The following C2orf42 variants were observed in gnomAD, a reference collection of about 807,000 sequenced individuals.
C2orf42 encodes the protein chromosome 2 open reading frame 42, also known as uncharacterized protein C2orf42.
C2orf42 carries 44 observed loss-of-function variants against 58.9 expected under a neutral mutation model. The observed-to-expected ratio is 0.75, with a 90% confidence interval of 0.59 to 0.96. The LOEUF (loss-of-function observed/expected upper bound fraction) is 0.96. Ranked by LOEUF, C2orf42 falls within the 40% of genes least tolerant of loss-of-function variation. The pLI, the probability that C2orf42 is intolerant of heterozygous loss-of-function variation, is 0.00. For missense variants in C2orf42, 630 were observed against 699.2 expected (o/e 0.90, Z 1.12); for synonymous variants, 239 against 265.4 (o/e 0.90, Z 0.97).
chr2:70,178,742 C>T (rs1674356331), intron 4 of C2orf42, among the ~76,000 whole-genome samples: 1 of 152,118 alleles, frequency 6.6e-6, no homozygotes, highest in Non-Finnish European at 1.5e-5. Flanking sequence ...CAAGACCAGT[C>T]TGACCAATAT....
At chr2:70,190,556 T>C (rs1675283081) in intron 1 of C2orf42, 1 of 152,216 alleles carries the variant, frequency 6.6e-6, no homozygotes, top group South Asian at 2.1e-4. Flanking sequence ...CGTGGGTTTG[T>C]AGTCGGCTGG....
chr2:70,184,218 A>G (rs559911597), intron 1 of C2orf42, among the ~76,000 whole-genome samples: 12 of 142,922 alleles, frequency 8.4e-5, no homozygotes, highest in Admixed American at 7.7e-4. Flanking sequence ...CAGTGGATAG[A>G]AGATGTAGAG....
rs767471055 is a variant in C2orf42 at position 70,175,664 on chromosome 2, G to A, written c.1039+9C>T. 12 of 1,566,226 alleles carry A rather than the reference G, an allele frequency of 7.7e-6. No individual in the cohort carries two copies. The South Asian group carries it at 1.3e-4, about 17-fold the overall frequency. ...CCACTGTAGCCTATTCTAGGGAAGG[G>A]AAACTTACCCTGCCTTTTTAACGAG... On this transcript the variant is annotated intron_variant, in intron 5 of 9. Coordinates refer to ENST00000264434, the MANE Select transcript of C2orf42 (RefSeq NM_017880.3).
At chr2:70,184,447 G>A (rs1674788303) in intron 1 of C2orf42, among the ~76,000 whole-genome samples, 1 of 151,014 alleles carries the variant, frequency 6.6e-6, no homozygotes. Flanking sequence ...AAAGTGCTGG[G>A]ATTACAGACA....
chr2:70,170,262 T>C (rs1673717430), intron 5 of C2orf42, among the ~76,000 whole-genome samples: 1 of 151,822 alleles, frequency 6.6e-6, no homozygotes, highest in African/African-American at 2.4e-5. Flanking sequence ...GGATTTTTTT[T>C]TTTTTCTTCA....
intron 9 of C2orf42, among the ~76,000 whole-genome samples, chr2:70,153,449 C>G (rs1672436785): frequency 1.3e-5 from 2 of 150,004 alleles, no homozygotes; most frequent in Admixed American, 6.7e-5. Flanking sequence ...AGCTCTGCCT[C>G]CCAGGTTCAT....
chr2:70,175,836 TG>T (rs1674156246), intron 4 of C2orf42, 59 bp from the exon 5 acceptor site: 24 of 1,080,066 alleles, frequency 2.2e-5, no homozygotes, highest in Non-Finnish European at 3.4e-5. Context: ...ATTGATTTGA[TG>T]TTAATTTTTA....
chr2:70,154,858 C>A (rs963114278), intron 9 of C2orf42, among the ~76,000 whole-genome samples: 4 of 152,064 alleles, frequency 2.6e-5, no homozygotes, highest in African/African-American at 9.7e-5. Flanking sequence ...AGGGCCCAAG[C>A]GATCCTCCCA....
intron 1 of C2orf42, among the ~76,000 whole-genome samples, chr2:70,187,257 T>C: frequency 6.6e-6 from 1 of 152,184 alleles, no homozygotes; most frequent in East Asian, 1.9e-4. Context: ...TTACTTTTGT[T>C]GTTGTTGTTG....
chr2:70,182,123 G>A lies in C2orf42; in HGVS notation c.-12-126C>T, dbSNP rs371968144. 60 of 595,836 alleles carry A rather than the reference G, an allele frequency of 1.0e-4. No individual in the cohort carries two copies. In the East Asian group the frequency reaches 1.0e-3, roughly 10 times the overall value. The allele number at this position is 595,836 out of a possible 1,614,324, so 36.9% of individuals were successfully genotyped here. A position where few individuals can be genotyped will look rare whatever the true frequency, so the allele number is the denominator to read the frequency against. On this transcript the variant is annotated intron_variant, in intron 2 of 9. Coordinates refer to ENST00000264434, the MANE Select transcript of C2orf42 (RefSeq NM_017880.3). ...TATCTACTATTTTTTTTTTTTAGAC[G>A]GAGTCTCGCTCTGTCGCCCAGGCTG...
At chr2:70,153,514 A>T (rs1672442112) in intron 9 of C2orf42, among the ~76,000 whole-genome samples, 1 of 150,672 alleles carries the variant, frequency 6.6e-6, no homozygotes. Context: ...GCCCGCCACC[A>T]CGCCCAGCTA....
intron 1 of C2orf42, among the ~76,000 whole-genome samples, chr2:70,183,956 C>T (rs1015025047): frequency 6.6e-6 from 1 of 152,082 alleles, no homozygotes; most frequent in African/African-American, 2.4e-5. Flanking sequence ...TAGGTACATG[C>T]TGCCATGCCT....
rs1413429678 is a variant in C2orf42 at position 70,181,258 on chromosome 2, T to C, written c.728A>G (p.Gln243Arg). 1.2e-6 allele frequency: 2 copies of C among 1,612,548 alleles called. No individual in the cohort carries two copies. Among genetic ancestry groups the C allele is most frequent in the African/African-American group, 1.3e-5 (1 of 74,904 alleles). Residue 243 changes from glutamine to arginine, a missense_variant, in exon 3 of 10, where the codon CAG becomes CGG. Transcript: ENST00000264434. ...GCAAGCAAAGAAATGAATGCATCTCTGGGCTGTCTCATCCTTGGAGGCATT... is the reference window on the plus strand; with the variant it reads ...GCAAGCAAAGAAATGAATGCATCTCCGGGCTGTCTCATCCTTGGAGGCATT... The part of the protein sequence containing the change: ...KSNASKDETA[Q>R]RCIHFFACIC...
intron 1 of C2orf42, among the ~76,000 whole-genome samples, chr2:70,185,381 A>G (rs12463762): frequency 0.59 from 89,889 of 151,574 alleles, 28,967 homozygotes; most frequent in African/African-American, 0.85. Flanking sequence ...GCACTCCAGC[A>G]TGGGTGACAA....
At chr2:70,163,522 G>C (rs899822697) in intron 8 of C2orf42, among the ~76,000 whole-genome samples, 6 of 151,982 alleles carry the variant, frequency 3.9e-5, no homozygotes, top group African/African-American at 1.4e-4. Context: ...TGTGATTACA[G>C]GCGTGAGCCA....
intron 4 of C2orf42, among the ~76,000 whole-genome samples, chr2:70,177,898 G>C (rs373605624): frequency 3.5e-4 from 54 of 152,246 alleles, no homozygotes; most frequent in African/African-American, 1.2e-3. Flanking sequence ...AAATTAGCCA[G>C]GCATGGTGGC....
chr2:70,172,064 A>T (rs1673855885), intron 5 of C2orf42, among the ~76,000 whole-genome samples: 1 of 151,498 alleles, frequency 6.6e-6, no homozygotes, highest in Non-Finnish European at 1.5e-5. Context: ...CTCTACTAAA[A>T]ATACAAAAAA....
At chr2:70,171,832 G>T (rs2104922420) in intron 5 of C2orf42, among the ~76,000 whole-genome samples, 1 of 151,896 alleles carries the variant, frequency 6.6e-6, no homozygotes, top group Admixed American at 6.6e-5. Flanking sequence ...AAATATAAGT[G>T]AAAGAGTGAA....
chr2:70,166,871 C>T (rs1207000043), intron 6 of C2orf42, among the ~76,000 whole-genome samples: 3 of 152,100 alleles, frequency 2.0e-5, no homozygotes, highest in Non-Finnish European at 4.4e-5. Flanking sequence ...CCCTTTTGCT[C>T]GCTATCCCCA....
Sources: allele counts gnomAD v4.1 joint callset (sites outside exome capture counted in the v4.1 genomes callset), GRCh38; gene constraint gnomAD v4.1.1; transcripts MANE v1.5; gene names NCBI Gene and HGNC (gene_info 2026-07-23, HGNC 2026-07-21).